Variants in FA2H observed in about 807,000 individuals in gnomAD.
FA2H encodes fatty acid 2-hydroxylase.
Under a neutral mutation model 44.9 loss-of-function variants are expected in FA2H, and 22 were observed. That is an observed-to-expected ratio of 0.49 (90% CI 0.35 to 0.70). The LOEUF (loss-of-function observed/expected upper bound fraction) is 0.70, where lower values mean the gene tolerates loss of function less well. Among genes scored for constraint, FA2H ranks in the 30% least tolerant of loss-of-function variants. The pLI is 0.01. For synonymous variants in FA2H, 243 were observed against 213.2 expected, an observed-to-expected ratio of 1.14 and a Z score of -1.22; for missense variants, 501 against 504.9, an observed-to-expected ratio of 0.99 and a Z score of 0.07.
chr16:74,760,367 G>T (rs186026558), intron 1 of FA2H, among the ~76,000 whole-genome samples: 8 of 152,318 alleles, frequency 5.3e-5, no homozygotes, highest in Non-Finnish European at 1.5e-5. Context: ...AACTAAAATT[G>T]TCTAAATTAA....
At chr16:74,722,002 C>T (rs1028867756) in intron 4 of FA2H, among the ~76,000 whole-genome samples, 3 of 152,336 alleles carry the variant, frequency 2.0e-5, no homozygotes, top group South Asian at 4.1e-4. Flanking sequence ...CACAGCCTTA[C>T]AAGGGAAGCC....
chr16:74,726,172 G>C lies in FA2H; in HGVS notation c.613+53C>G, dbSNP rs1961948719. 9 of 1,233,944 alleles carry C rather than the reference G, an allele frequency of 7.3e-6. No individual in the cohort carries two copies. In the South Asian group the frequency reaches 9.8e-5, roughly 13 times the overall value. The allele number at this position is 1,233,944 out of a possible 1,614,324, so 76.4% of individuals were successfully genotyped here. The stretch of plus-strand genomic sequence containing the variant: ...AACTCTGGGCCAGGGAAAGCACTGA[G>C]GTCTCCTCCCTCTAGGATCCTCAGG... On this transcript the variant is annotated intron_variant, in intron 4 of 6. Transcript: ENST00000219368.
At chr16:74,745,739 G>C (rs1265871736) in intron 1 of FA2H, among the ~76,000 whole-genome samples, 1 of 151,724 alleles carries the variant, frequency 6.6e-6, no homozygotes, top group Non-Finnish European at 1.5e-5. Context: ...TCATCACCAG[G>C]CGTTATTTCC....
intron 1 of FA2H, among the ~76,000 whole-genome samples, chr16:74,768,905 G>A (rs564182189): frequency 2.6e-5 from 4 of 152,032 alleles, no homozygotes; most frequent in Admixed American, 1.3e-4. Context: ...AGTGGCTGAC[G>A]AGTCAGGCTT....
intron 1 of FA2H, among the ~76,000 whole-genome samples, chr16:74,761,129 A>G (rs1184296288): frequency 6.6e-6 from 1 of 152,004 alleles, no homozygotes; most frequent in Non-Finnish European, 1.5e-5. Context: ...GTTGGAAGGG[A>G]AAAAAAGTCT....
At chr16:74,763,167 G>A (rs780823087) in intron 1 of FA2H, among the ~76,000 whole-genome samples, 10 of 152,148 alleles carry the variant, frequency 6.6e-5, no homozygotes, top group Admixed American at 1.3e-4. Context: ...GTGAGTAAAC[G>A]ATGCCATTTC....
intron 1 of FA2H, among the ~76,000 whole-genome samples, chr16:74,762,761 C>A (rs2144660249): frequency 6.6e-6 from 1 of 152,254 alleles, no homozygotes; most frequent in Non-Finnish European, 1.5e-5. Flanking sequence ...AACTCCTGAC[C>A]TTGTGATCCA....
intron 1 of FA2H, among the ~76,000 whole-genome samples, chr16:74,757,299 AT>A (rs1962628679): frequency 6.6e-6 from 1 of 152,186 alleles, no homozygotes; most frequent in Admixed American, 6.5e-5. Context: ...ACAGGGAGCA[AT>A]TTTTTCATCC....
At position 74,739,048 on chromosome 16, in the gene FA2H, G is replaced by T. The variant is rs149694457; in HGVS notation, c.363+975C>A. Among the ~76,000 whole-genome samples, 787 of 152,328 alleles carry T rather than the reference G, an allele frequency of 5.2e-3. 6 individuals are homozygous for T. Among genetic ancestry groups the T allele is most frequent in the Middle Eastern group, 0.01 (3 of 294 alleles). ...CTGTGTTCCCAGTGTCAGGGCCAAGGGGGCCCAGCAGACAGTCAGCTTTGT... is the reference window on the plus strand; with the variant it reads ...CTGTGTTCCCAGTGTCAGGGCCAAGTGGGCCCAGCAGACAGTCAGCTTTGT... On this transcript the variant is annotated intron_variant, in intron 2 of 6. Transcript: ENST00000219368.
intron 1 of FA2H, among the ~76,000 whole-genome samples, chr16:74,773,216 A>G (rs1381383520): frequency 1.3e-5 from 2 of 152,198 alleles, no homozygotes; most frequent in African/African-American, 4.8e-5. Flanking sequence ...GAGTGAGTAC[A>G]GTACTATAAG....
intron 4 of FA2H, 85 bp from the exon 5 acceptor site, chr16:74,719,245 A>C (rs1481011184): frequency 2.5e-6 from 3 of 1,217,382 alleles, no homozygotes; most frequent in African/African-American, 3.0e-5. Context: ...CATCCCCATC[A>C]GCTCGGGAGC....
intron 1 of FA2H, among the ~76,000 whole-genome samples, chr16:74,749,037 G>A (rs1962482311): frequency 6.6e-6 from 1 of 152,172 alleles, no homozygotes; most frequent in African/African-American, 2.4e-5. Context: ...GGCCCCAGAG[G>A]GAGATGATGG....
intron 1 of FA2H, among the ~76,000 whole-genome samples, chr16:74,762,339 G>A (rs946937435): frequency 4.8e-4 from 73 of 152,168 alleles, no homozygotes; most frequent in African/African-American, 1.6e-3. Context: ...CACCGTGCCC[G>A]GCCCATACAA....
chr16:74,743,206 T>G (rs1049730237), intron 1 of FA2H, among the ~76,000 whole-genome samples: 1 of 152,254 alleles, frequency 6.6e-6, no homozygotes, highest in Non-Finnish European at 1.5e-5. Flanking sequence ...TCTGTTTTTA[T>G]GAGCATTAAC....
At chr16:74,739,622 C>T (rs1012435249) in intron 2 of FA2H, among the ~76,000 whole-genome samples, 3 of 152,194 alleles carry the variant, frequency 2.0e-5, no homozygotes, top group African/African-American at 7.2e-5. Context: ...CCTGCACTGG[C>T]CAATGTCGCT....
At chr16:74,751,622 C>T (rs1472345891) in intron 1 of FA2H, among the ~76,000 whole-genome samples, 2 of 151,870 alleles carry the variant, frequency 1.3e-5, no homozygotes, top group Non-Finnish European at 2.9e-5. Flanking sequence ...GCACTGAATA[C>T]ACATTCTGGT....
chr16:74,767,064 A>G (rs1453263382), intron 1 of FA2H, among the ~76,000 whole-genome samples: 3 of 152,118 alleles, frequency 2.0e-5, no homozygotes, highest in African/African-American at 7.2e-5. Context: ...TAATCCCAAC[A>G]CTTTGGGAGG....
At chr16:74,754,349 T>C (rs1271441540) in intron 1 of FA2H, among the ~76,000 whole-genome samples, 2 of 151,942 alleles carry the variant, frequency 1.3e-5, no homozygotes, top group African/African-American at 4.8e-5. Flanking sequence ...TGAGCCAAGA[T>C]TGGGCCACTG....
At chr16:74,755,159 G>GCTT (rs1555541209) in intron 1 of FA2H, among the ~76,000 whole-genome samples, 1 of 146,698 alleles carries the variant, frequency 6.8e-6, no homozygotes, top group African/African-American at 2.5e-5. Flanking sequence ...ATACATTTGT[G>GCTT]TTTTTTTTTT....
Sources: gnomAD v4.1 joint callset for allele counts (sites outside exome capture counted in the v4.1 genomes callset) on GRCh38, gnomAD v4.1.1 for gene constraint, MANE v1.5 for transcripts, NCBI Gene and HGNC (gene_info 2026-07-23, HGNC 2026-07-21) for gene names.